MAP4K4: variants seen among roughly 807,000 people sequenced by gnomAD.
The protein encoded by MAP4K4 is mitogen-activated protein kinase kinase kinase kinase 4.
MAP4K4 carries 38 observed loss-of-function variants against 189.6 expected under a neutral mutation model. That is an observed-to-expected ratio of 0.20 (90% confidence interval 0.15 to 0.26). The LOEUF (loss-of-function observed/expected upper bound fraction) is 0.26, where lower values mean the gene tolerates loss of function less well. MAP4K4 is among the 10% of genes least tolerant of loss of function. The pLI, the probability that MAP4K4 is intolerant of heterozygous loss-of-function variation, is 1.00. For missense variants in MAP4K4, 1,054 were observed against 1,726.9 expected (o/e 0.61, Z 6.91); for synonymous variants, 610 against 624.3 (o/e 0.98, Z 0.34).
chr2:101,816,511 T>C (rs187345841), intron 3 of MAP4K4, among the ~76,000 whole-genome samples: 1 of 152,172 alleles, frequency 6.6e-6, no homozygotes, highest in Non-Finnish European at 1.5e-5. Flanking sequence ...CCTTGTGTTA[T>C]GGGAAGCTTC....
chr2:101,803,445 G>A (rs1354607082), intron 3 of MAP4K4, among the ~76,000 whole-genome samples: 1 of 152,206 alleles, frequency 6.6e-6, no homozygotes, highest in Admixed American at 6.5e-5. Context: ...TAGATAACCT[G>A]TGTCCATTCC....
exon 18 of MAP4K4, chr2:101,864,930 G>T: frequency 1.3e-6 from 2 of 1,554,320 alleles, no homozygotes; most frequent in Non-Finnish European, 1.7e-6. Context: ...CTACTTAAAG[G>T]TTCCTGTGAG....
At chr2:101,698,320 C>T (rs898258099) in intron 1 of MAP4K4, among the ~76,000 whole-genome samples, 153 bp from the exon 2 acceptor site, 74 of 151,150 alleles carry the variant, frequency 4.9e-4, no homozygotes, top group Non-Finnish European at 1.3e-4. Flanking sequence ...CCCCCACGCC[C>T]CGAGCCCGCC....
At chr2:101,716,480 G>C (rs2048467293) in intron 2 of MAP4K4, among the ~76,000 whole-genome samples, 1 of 150,770 alleles carries the variant, frequency 6.6e-6, no homozygotes, top group African/African-American at 2.4e-5. Flanking sequence ...AACTACAGAT[G>C]CTATTTTAGA....
exon 23 of MAP4K4, chr2:101,870,397 C>T: frequency 6.2e-7 from 1 of 1,613,690 alleles, no homozygotes; most frequent in Non-Finnish European, 8.5e-7. Flanking sequence ...CCAAGGAGGG[C>T]ACTCTAATCG....
At chr2:101,785,028 C>T (rs933798356) in intron 2 of MAP4K4, among the ~76,000 whole-genome samples, 3 of 152,190 alleles carry the variant, frequency 2.0e-5, no homozygotes. Context: ...GTGTCCTGTT[C>T]TTACAGTCCA....
intron 12 of MAP4K4, among the ~76,000 whole-genome samples, chr2:101,854,340 G>T (rs1156506406): frequency 6.6e-6 from 1 of 152,184 alleles, no homozygotes; most frequent in African/African-American, 2.4e-5. Context: ...TTAGATACTA[G>T]AGCAGGAGCA....
At chr2:101,711,225 C>T (rs2149307442) in intron 2 of MAP4K4, among the ~76,000 whole-genome samples, 1 of 152,258 alleles carries the variant, frequency 6.6e-6, no homozygotes, top group East Asian at 1.9e-4. Context: ...CAATGGTGTA[C>T]AGGTTTGTGA....
intron 2 of MAP4K4, among the ~76,000 whole-genome samples, chr2:101,766,953 T>C (rs761223138): frequency 1.3e-5 from 2 of 152,196 alleles, no homozygotes; most frequent in Non-Finnish European, 2.9e-5. Flanking sequence ...AAGGCCTGGT[T>C]ACAGAATTTT....
intron 30 of MAP4K4, 38 bp downstream of exon 30, chr2:101,887,275 C>A: frequency 6.4e-7 from 1 of 1,571,080 alleles, no homozygotes; most frequent in Non-Finnish European, 8.6e-7. Flanking sequence ...GGTTGACTGG[C>A]TTCATTTTGT....
intron 3 of MAP4K4, among the ~76,000 whole-genome samples, chr2:101,796,950 G>A (rs529769356): frequency 6.6e-6 from 1 of 152,332 alleles, no homozygotes; most frequent in South Asian, 2.1e-4. Context: ...CATACAAGAA[G>A]CTAAGCAATA....
At chr2:101,740,167 T>G (rs1184134018) in intron 2 of MAP4K4, among the ~76,000 whole-genome samples, 7 of 99,242 alleles carry the variant, frequency 7.1e-5, no homozygotes, top group African/African-American at 3.3e-4. Flanking sequence ...TTTTTTTTTT[T>G]TTTTGAGACG....
chr2:101,781,419 G>A (rs968136082), intron 2 of MAP4K4, among the ~76,000 whole-genome samples: 7 of 152,106 alleles, frequency 4.6e-5, no homozygotes, highest in Non-Finnish European at 8.8e-5. Flanking sequence ...TACTTTAAAT[G>A]AACAGGAATT....
chr2:101,773,268 G>A (rs1176629700), intron 2 of MAP4K4, among the ~76,000 whole-genome samples: 7 of 152,202 alleles, frequency 4.6e-5, no homozygotes. Context: ...TAGGAAAAGG[G>A]AGGGCAGCAA....
exon 1 of MAP4K4, chr2:101,698,013 T>C: frequency 8.9e-7 from 1 of 1,119,990 alleles, no homozygotes; most frequent in Non-Finnish European, 1.2e-6. Context: ...CGGCCTGGTC[T>C]GCGGCTGAGA....
intron 9 of MAP4K4, 95 bp downstream of exon 9, chr2:101,836,073 C>T: frequency 1.1e-6 from 1 of 915,948 alleles, no homozygotes; most frequent in Non-Finnish European, 1.7e-6. Context: ...TCTGGCCCTT[C>T]TAATTCTGGG....
intron 2 of MAP4K4, among the ~76,000 whole-genome samples, chr2:101,772,669 AAATG>A (rs1325029774): frequency 1.3e-5 from 2 of 152,252 alleles, no homozygotes; most frequent in African/African-American, 2.4e-5. Flanking sequence ...ACACAAAACT[AAATG>A]AAGTCTTTTT....
chr2:101,844,539 C>G (rs2097028801), intron 12 of MAP4K4, among the ~76,000 whole-genome samples: 1 of 152,202 alleles, frequency 6.6e-6, no homozygotes, highest in Admixed American at 6.5e-5. Flanking sequence ...CTTTAAGGAT[C>G]TGCCCCACAG....
chr2:101,769,166 T>C (rs1003726216), intron 2 of MAP4K4, among the ~76,000 whole-genome samples: 1 of 152,236 alleles, frequency 6.6e-6, no homozygotes, highest in African/African-American at 2.4e-5. Flanking sequence ...TTAAGTGACT[T>C]GGCTTTTTTA....
Sources: gnomAD v4.1 joint callset for allele counts (sites outside exome capture counted in the v4.1 genomes callset) on GRCh38, gnomAD v4.1.1 for gene constraint, MANE v1.5 for transcripts, NCBI Gene and HGNC (gene_info 2026-07-23, HGNC 2026-07-21) for gene names.